PTPN21: variants seen among roughly 807,000 people sequenced by gnomAD.
PTPN21 encodes tyrosine-protein phosphatase non-receptor type 21.
A neutral mutation model predicts 131.8 loss-of-function variants in PTPN21; 77 were observed. The observed-to-expected ratio is 0.58, with a 90% CI of 0.49 to 0.71. PTPN21 has a LOEUF of 0.71. Ranked by LOEUF, PTPN21 falls within the 30% of genes least tolerant of loss-of-function variation. The pLI is 0.00. For synonymous variants in PTPN21, 715 were observed against 621.3 expected (o/e 1.15, Z -2.24); for missense variants, 1,552 against 1,527.1 (o/e 1.02, Z -0.27).
intron 2 of PTPN21, among the ~76,000 whole-genome samples, chr14:88,517,642 T>C (rs1401011760): frequency 2.0e-4 from 2 of 9,992 alleles, no homozygotes; most frequent in African/African-American, 3.8e-4. Flanking sequence ...ACTAAATTTA[T>C]CATATATATG....
Position 88,485,078 on chromosome 14 carries a change from T to C in PTPN21, c.1076A>G (p.Gln359Arg). 1 of 1,583,170 alleles carries C rather than the reference T, an allele frequency of 6.3e-7. No individual in the cohort carries two copies. Among genetic ancestry groups the C allele is most frequent in the African/African-American group, 1.3e-5 (1 of 74,250 alleles). Residue 359 changes from glutamine to arginine, a missense_variant and splice_region_variant, in exon 12 of 19, where the codon CAA (glutamine) becomes CGA (arginine). Physicochemically the swap from Gln to Arg is conservative, Grantham distance 43. Around this residue, in one of 4 missense-constraint regions of PTPN21, gnomAD observed 1,016 missense variants for 883.5 expected, o/e 1.15. Transcript: ENST00000556564. ...ATGGCAGAAACAGTGTACTTTACCT[T>C]GGGAAGAAGCATATGGTTCTGTATA... ...GHYTEPYASSQDNLFVPNQNG... is the reference protein window; with the variant it reads ...GHYTEPYASSRDNLFVPNQNG...
Position 88,537,999 on chromosome 14 carries a change from T to C in PTPN21, c.180+12239A>G, listed in dbSNP as rs114646894. 5.3e-3 allele frequency among the ~76,000 whole-genome samples: 809 copies of C among 152,314 alleles called. 10 individuals carry two copies. The highest frequency in any genetic ancestry group is 0.019 in the African/African-American group (782 of 41,558). On this transcript the variant is annotated intron_variant, in intron 2 of 18. Coordinates refer to ENST00000556564, the MANE Select transcript of PTPN21 (RefSeq NM_007039.4). Reference sequence around the variant, plus strand: ...ATAATTTTATGGGACCACCATCTTATAAGCAGTCTGTCATTGACCAAAAAT... The same window carrying C: ...ATAATTTTATGGGACCACCATCTTACAAGCAGTCTGTCATTGACCAAAAAT...
At chr14:88,481,941 A>G (rs577592880) in intron 12 of PTPN21, among the ~76,000 whole-genome samples, 193 of 152,334 alleles carry the variant, frequency 1.3e-3, no homozygotes, top group Non-Finnish European at 2.1e-3. Context: ...CAACTGCAAC[A>G]CTGACCAACA....
At chr14:88,471,969 C>T (rs192683131) in intron 15 of PTPN21, among the ~76,000 whole-genome samples, 49 of 151,090 alleles carry the variant, frequency 3.2e-4, no homozygotes, top group African/African-American at 1.1e-3. Context: ...GTCCTGGTAA[C>T]AGTGTTGGGG....
At chr14:88,532,173 A>G (rs1345463582) in intron 2 of PTPN21, among the ~76,000 whole-genome samples, 1 of 152,150 alleles carries the variant, frequency 6.6e-6, no homozygotes, top group Non-Finnish European at 1.5e-5. Flanking sequence ...GCTGAATTCT[A>G]TCACACATTC....
intron 13 of PTPN21, among the ~76,000 whole-genome samples, chr14:88,477,709 C>T (rs953223590): frequency 1.3e-5 from 2 of 152,054 alleles, no homozygotes; most frequent in African/African-American, 4.8e-5. Flanking sequence ...TGGAAGCCAA[C>T]AGGAGATAGG....
chr14:88,509,389 C>T (rs2078144497), intron 3 of PTPN21, among the ~76,000 whole-genome samples: 1 of 152,136 alleles, frequency 6.6e-6, no homozygotes, highest in Admixed American at 6.6e-5. Flanking sequence ...GACAGCCCAC[C>T]CCTTTAATCA....
In PTPN21 at chr14:88,480,326, C is replaced by A; in HGVS notation, c.1105G>T (p.Gly369Ter). The change falls in exon 13 of 19, where the codon GGA becomes TGA. Residue 369 changes from glycine (G) to a stop codon, truncating the protein, a stop_gained. Transcript: ENST00000556564. LOFTEE classifies it high-confidence loss of function. ...CTTGTCTGAGAGTGACAGTAGTATC[C>A]GTTCTGGTTGGGCACAAAGAGGTTA... ...QDNLFVPNQNGYYCHSQTSLD... is the reference protein window; with the variant it reads ...QDNLFVPNQN 2 of 1,613,504 alleles carry A rather than the reference C, an allele frequency of 1.2e-6. No homozygotes were observed. The highest frequency in any genetic ancestry group is 1.1e-5 in the South Asian group (1 of 91,042).
intron 4 of PTPN21, among the ~76,000 whole-genome samples, chr14:88,506,700 A>G (rs1312040942): frequency 6.6e-6 from 1 of 152,152 alleles, no homozygotes; most frequent in Non-Finnish European, 1.5e-5. Context: ...TACACTGCTC[A>G]GGTGATGGGT....
At chr14:88,552,743 G>C (rs934819213) in intron 1 of PTPN21, among the ~76,000 whole-genome samples, 4 of 152,190 alleles carry the variant, frequency 2.6e-5, no homozygotes, top group African/African-American at 9.7e-5. Context: ...ACTTCCAGTA[G>C]TTTTCAATGC....
chr14:88,523,382 A>T (rs1401098384), intron 2 of PTPN21, among the ~76,000 whole-genome samples: 5 of 152,176 alleles, frequency 3.3e-5, no homozygotes, highest in African/African-American at 1.2e-4. Context: ...CATTTGACAA[A>T]ATCCAACATC....
At chr14:88,482,477 A>G (rs1231070384) in intron 12 of PTPN21, among the ~76,000 whole-genome samples, 1 of 152,078 alleles carries the variant, frequency 6.6e-6, no homozygotes, top group East Asian at 1.9e-4. Flanking sequence ...ATACAAAATT[A>G]GCTGGGCGTG....
chr14:88,504,437 T>C lies in PTPN21; in HGVS notation c.575A>G (p.His192Arg), dbSNP rs1372083990. The change falls in exon 6 of 19, where the codon CAT (histidine) becomes CGT (arginine). Residue 192 changes from histidine (H) to arginine (R), a missense_variant. By Grantham distance (29) the His-to-Arg change is conservative. Transcript: ENST00000556564. ...EEATQKVALL[H>R]QKYRGLTAPD... is the part of the protein sequence containing the mutation. The stretch of plus-strand genomic sequence containing the variant: ...TTCTTAGAGTTACCTGTATTTCTGA[T>C]GTAGTAAGGCCACTTTTTGGGTTGC... 3.7e-6 allele frequency: 6 copies of C among 1,607,642 alleles called. No individual in the cohort carries two copies. The highest frequency in any genetic ancestry group is 5.1e-6 in the Non-Finnish European group (6 of 1,174,230).
In PTPN21 at chr14:88,469,763, CGAG is replaced by C; in HGVS notation, c.3001-33_3001-31del. On this transcript the variant is annotated intron_variant, in intron 16 of 18. Coordinates refer to ENST00000556564, the MANE Select transcript of PTPN21 (RefSeq NM_007039.4). This position sits in a 1 kb window ranked among gnomAD's most constrained non-coding sequence, Gnocchi z 4.3. The stretch of plus-strand genomic sequence containing the variant: ...TAAAGATGAGCATGGTTAAATGACT[CGAG>C]ATCCGGCAATGGATGCCTTTCTCAC... 1 of 1,610,478 alleles carries C rather than the reference CGAG, an allele frequency of 6.2e-7. No homozygotes were observed.
At position 88,474,479 on chromosome 14, in the gene PTPN21, G is replaced by A. The variant is rs151264648; in HGVS notation, c.2512-677C>T. Among the ~76,000 whole-genome samples the A allele has an allele frequency of 1.8e-3, 269 of 152,132 alleles. 3 individuals carry two copies. Among genetic ancestry groups the A allele is most frequent in the South Asian group, 3.9e-3 (19 of 4,814 alleles). Reference sequence around the variant, plus strand: ...ATTACAGGCGTGTGCCACCATGCCCGGACAGCTTTTTATAATTTTTAAAAT... The same window carrying A: ...ATTACAGGCGTGTGCCACCATGCCCAGACAGCTTTTTATAATTTTTAAAAT... On this transcript the variant is annotated intron_variant, in intron 13 of 18. Transcript: ENST00000556564.
chr14:88,498,233 G>A (rs1338415701), intron 8 of PTPN21, among the ~76,000 whole-genome samples: 5 of 151,788 alleles, frequency 3.3e-5, no homozygotes, highest in South Asian at 4.2e-4. Context: ...CCAAGATTGT[G>A]CCACTGCATG....
At chr14:88,506,539 A>C (rs2078091813) in intron 4 of PTPN21, among the ~76,000 whole-genome samples, 1 of 152,114 alleles carries the variant, frequency 6.6e-6, no homozygotes, top group Non-Finnish European at 1.5e-5. Flanking sequence ...TGGCCTCCCA[A>C]AGTGCTGGGA....
In PTPN21 at chr14:88,518,374, ATG is replaced by A. The variant is rs1216065156; in HGVS notation, c.181-1115_181-1114del. 4.8e-3 allele frequency among the ~76,000 whole-genome samples: 166 copies of A among 34,540 alleles called. 1 individual carries two copies. Among genetic ancestry groups the A allele is most frequent in the African/African-American group, 9.8e-3 (84 of 8,586 alleles). 22.7% of individuals were successfully genotyped at this position (34,540 alleles called of 152,430 possible). ...TATATATACATACACGTGTGTGTGT[ATG>A]TGTGTGTGTGTATATATATATATAT... On this transcript the variant is annotated intron_variant, in intron 2 of 18. Coordinates refer to ENST00000556564, the MANE Select transcript of PTPN21 (RefSeq NM_007039.4).
rs1156829217 is a variant in PTPN21 at position 88,550,625 on chromosome 14, G to A, written c.-202-6C>T. The A allele has an allele frequency of 3.9e-6, 2 of 515,094 alleles. No individual in the cohort carries two copies. Among genetic ancestry groups the A allele is most frequent in the Non-Finnish European group, 3.4e-6 (1 of 293,948 alleles). 31.9% of individuals were successfully genotyped at this position (515,094 alleles called of 1,614,324 possible). ...AGGGAGCATTGACGCCAGCGCTGGG[G>A]AAAGAGGAACGCCGTTAGTTAAGCA... On this transcript the variant is annotated splice_region_variant and splice_polypyrimidine_tract_variant and intron_variant, in intron 1 of 18. Coordinates refer to ENST00000556564, the MANE Select transcript of PTPN21 (RefSeq NM_007039.4).
Sources: gnomAD v4.1 joint callset for allele counts (sites outside exome capture counted in the v4.1 genomes callset) on GRCh38, gnomAD v4.1.1 for gene constraint, gnomAD v4.1.1 regional missense constraint, Gnocchi (gnomAD v3.1) non-coding constraint, MANE v1.5 for transcripts, NCBI Gene and HGNC (gene_info 2026-07-23, HGNC 2026-07-21) for gene names.